RANBP2: variants seen among roughly 807,000 people sequenced by gnomAD.
RANBP2 encodes E3 SUMO-protein ligase RanBP2.
RANBP2 carries 57 observed loss-of-function variants against 303.6 expected under a neutral mutation model. The observed-to-expected ratio is 0.19, with a 90% CI of 0.15 to 0.23. The LOEUF (loss-of-function observed/expected upper bound fraction) is 0.23, where lower values mean the gene tolerates loss of function less well. Among genes scored for constraint, RANBP2 ranks in the 10% least tolerant of loss-of-function variants. RANBP2 has a pLI of 1.00. For synonymous variants in RANBP2, 1,167 were observed against 1,301.5 expected (o/e 0.90, Z 2.23); for missense variants, 3,138 against 3,780.8 (o/e 0.83, Z 4.46).
At chr2:108,732,980 T>C (rs1220832808) in intron 4 of RANBP2, among the ~76,000 whole-genome samples, 3 of 152,118 alleles carry the variant, frequency 2.0e-5, no homozygotes, top group African/African-American at 7.2e-5. Context: ...CGTGTTACCA[T>C]GTCCCGCTTA....
the RANBP2 span, among the ~76,000 whole-genome samples, chr2:109,690,725 T>C: frequency 6.7e-6 from 1 of 149,838 alleles, no homozygotes; most frequent in Non-Finnish European, 1.5e-5. Context: ...AGTAAGCTCC[T>C]GAGAAACACC....
chr2:109,424,591 T>C, the RANBP2 span, among the ~76,000 whole-genome samples: 1 of 152,260 alleles, frequency 6.6e-6, no homozygotes, highest in Admixed American at 6.5e-5. Context: ...TCGGTAATTC[T>C]TATAATATTT....
the RANBP2 span, among the ~76,000 whole-genome samples, chr2:109,731,551 C>T: frequency 4.6e-5 from 7 of 152,114 alleles, no homozygotes; most frequent in East Asian, 1.4e-3. Context: ...TGCACCACCA[C>T]GCCTGGCTAA....
At chr2:109,491,556 G>A in the RANBP2 span, among the ~76,000 whole-genome samples, 1 of 152,168 alleles carries the variant, frequency 6.6e-6, no homozygotes, top group African/African-American at 2.4e-5. Context: ...TCTGGTTGAG[G>A]CAACATGGCC....
At chr2:109,731,034 C>T in the RANBP2 span, among the ~76,000 whole-genome samples, 4 of 152,038 alleles carry the variant, frequency 2.6e-5, no homozygotes, top group Non-Finnish European at 4.4e-5. Context: ...GTGATCTGTC[C>T]GCCTTGGGCT....
the RANBP2 span, among the ~76,000 whole-genome samples, chr2:109,518,226 A>G: frequency 6.6e-6 from 1 of 152,208 alleles, no homozygotes; most frequent in East Asian, 1.9e-4. Flanking sequence ...AAGCCTTCCA[A>G]AAGGGCTGTT....
chr2:108,799,506 A>T, the RANBP2 span, among the ~76,000 whole-genome samples: 1 of 152,206 alleles, frequency 6.6e-6, no homozygotes, highest in Non-Finnish European at 1.5e-5. Context: ...TTTCTGTCCC[A>T]GTACATCTGC....
chr2:108,850,749 C>A, the RANBP2 span, among the ~76,000 whole-genome samples: 1 of 152,118 alleles, frequency 6.6e-6, no homozygotes, highest in African/African-American at 2.4e-5. Flanking sequence ...CTGCGCCTGG[C>A]CAGTTGGTGA....
the RANBP2 span, among the ~76,000 whole-genome samples, chr2:109,638,884 C>A: frequency 2.0e-5 from 3 of 152,292 alleles, no homozygotes; most frequent in African/African-American, 7.2e-5. Flanking sequence ...TGCCAACCCC[C>A]TGAGATGATG....
the RANBP2 span, among the ~76,000 whole-genome samples, chr2:109,554,398 C>T: frequency 6.6e-6 from 1 of 152,276 alleles, no homozygotes; most frequent in South Asian, 2.1e-4. Flanking sequence ...TGTATTCATT[C>T]ATTCATTCTC....
the RANBP2 span, among the ~76,000 whole-genome samples, chr2:108,812,257 C>T: frequency 3.0e-4 from 46 of 152,184 alleles, no homozygotes; most frequent in African/African-American, 1.0e-3. Context: ...TACACATAGT[C>T]CCAGTAATGC....
At chr2:108,822,008 A>G in the RANBP2 span, among the ~76,000 whole-genome samples, 1 of 152,044 alleles carries the variant, frequency 6.6e-6, no homozygotes, top group Non-Finnish European at 1.5e-5. Flanking sequence ...AAAACTAACT[A>G]GAGTGGCTGA....
chr2:108,942,703 C>G, the RANBP2 span, among the ~76,000 whole-genome samples: 3 of 152,264 alleles, frequency 2.0e-5, no homozygotes, highest in Non-Finnish European at 4.4e-5. Context: ...CTGTTCCCGC[C>G]TCTCCTTTTA....
intron 1 of RANBP2, 104 bp downstream of exon 1, chr2:108,719,782 C>T (rs1158868180): frequency 7.2e-6 from 11 of 1,520,488 alleles, no homozygotes; most frequent in Non-Finnish European, 7.9e-6. Flanking sequence ...CTGGCGCGCT[C>T]TGTTGAGGCG....
the RANBP2 span, among the ~76,000 whole-genome samples, chr2:109,569,827 G>A: frequency 6.6e-6 from 1 of 150,630 alleles, no homozygotes; most frequent in Admixed American, 6.6e-5. Flanking sequence ...GCCCAAAGAG[G>A]GTCGCTTGTC....
chr2:109,177,115 G>A, the RANBP2 span, among the ~76,000 whole-genome samples: 1 of 152,188 alleles, frequency 6.6e-6, no homozygotes, highest in African/African-American at 2.4e-5. Context: ...AAAGTCACTC[G>A]TGTGGTGCTG....
chr2:109,585,320 C>G, the RANBP2 span: 2 of 1,595,382 alleles, frequency 1.3e-6, no homozygotes, highest in East Asian at 2.3e-5. Flanking sequence ...TTCCAGTTTC[C>G]CCTGAAACAC....
the RANBP2 span, chr2:108,791,654 G>A: frequency 6.3e-7 from 1 of 1,599,166 alleles, no homozygotes; most frequent in Non-Finnish European, 8.5e-7. Flanking sequence ...AGATTGCTGT[G>A]ATACAATTAT....
chr2:109,592,478 A>C, the RANBP2 span, among the ~76,000 whole-genome samples: 1 of 149,004 alleles, frequency 6.7e-6, no homozygotes, highest in Admixed American at 6.7e-5. Context: ...AAACAAAAAC[A>C]AACAACGAAT....
Sources: gnomAD v4.1 joint callset for allele counts (sites outside exome capture counted in the v4.1 genomes callset) on GRCh38, gnomAD v4.1.1 for gene constraint, MANE v1.5 for transcripts, NCBI Gene and HGNC (gene_info 2026-07-23, HGNC 2026-07-21) for gene names.